CLSTN2: variants seen among roughly 807,000 people sequenced by gnomAD.
The protein encoded by CLSTN2 is calsyntenin-2.
CLSTN2 carries 48 observed loss-of-function variants against 101.2 expected under a neutral mutation model. The observed-to-expected ratio is 0.47, with a 90% CI of 0.38 to 0.60. The LOEUF (loss-of-function observed/expected upper bound fraction) is 0.60. Among genes scored for constraint, CLSTN2 ranks in the 20% least tolerant of loss-of-function variants. The pLI is 0.00. For synonymous variants in CLSTN2, 481 were observed against 463.6 expected, an observed-to-expected ratio of 1.04 and a Z score of -0.48; for missense variants, 1,160 against 1,238.2, an observed-to-expected ratio of 0.94 and a Z score of 0.95.
At chr3:140,529,588 G>C (rs1381126680) in intron 8 of CLSTN2, among the ~76,000 whole-genome samples, 1 of 152,208 alleles carries the variant, frequency 6.6e-6, no homozygotes, top group African/African-American at 2.4e-5. Flanking sequence ...TTCTAGCAGA[G>C]GGTCAATGTA....
chr3:140,308,410 A>G (rs907753495), intron 2 of CLSTN2, among the ~76,000 whole-genome samples: 5 of 152,258 alleles, frequency 3.3e-5, no homozygotes, highest in Non-Finnish European at 7.3e-5. Context: ...TAGGCTCTCA[A>G]TAAATGACTT....
intron 2 of CLSTN2, among the ~76,000 whole-genome samples, chr3:140,285,766 C>A (rs1227784359): frequency 6.6e-6 from 1 of 152,016 alleles, no homozygotes; most frequent in Non-Finnish European, 1.5e-5. Context: ...AAAGGGTGGG[C>A]CAGAGGATAT....
intron 2 of CLSTN2, among the ~76,000 whole-genome samples, chr3:140,390,379 C>A (rs75965835): frequency 6.6e-6 from 1 of 152,046 alleles, no homozygotes; most frequent in Non-Finnish European, 1.5e-5. Context: ...TTCTTTTAAA[C>A]GTGTACTGTT....
intron 1 of CLSTN2, among the ~76,000 whole-genome samples, chr3:140,092,462 G>A (rs1417516103): frequency 6.6e-6 from 1 of 152,150 alleles, no homozygotes; most frequent in Admixed American, 6.5e-5. Flanking sequence ...CTTAGAGTGG[G>A]GTGTGTTTAT....
At chr3:140,412,983 A>G (rs1283989833) in intron 4 of CLSTN2, among the ~76,000 whole-genome samples, 1 of 152,216 alleles carries the variant, frequency 6.6e-6, no homozygotes, top group Non-Finnish European at 1.5e-5. Flanking sequence ...GTTATACGTC[A>G]AGGAACTAGA....
Position 140,318,880 on chromosome 3 carries a change from C to T in CLSTN2, c.233-84749C>T, listed in dbSNP as rs551523930. On this transcript the variant is annotated intron_variant, in intron 2 of 16. Coordinates refer to ENST00000458420, the MANE Select transcript of CLSTN2 (RefSeq NM_022131.3). ...AAATAATTATTATAAGTAATCCATCCTGCAAAACAATCTGTCCTCTGAGTT... is the reference window on the plus strand; with the variant it reads ...AAATAATTATTATAAGTAATCCATCTTGCAAAACAATCTGTCCTCTGAGTT... 5.4e-4 allele frequency among the ~76,000 whole-genome samples: 82 copies of T among 152,164 alleles called. 1 individual carries two copies. The highest frequency in any genetic ancestry group is 1.0e-3 in the South Asian group (5 of 4,822).
chr3:140,357,180 G>A (rs1045365046), intron 2 of CLSTN2, among the ~76,000 whole-genome samples: 8 of 152,102 alleles, frequency 5.3e-5, no homozygotes, highest in Admixed American at 1.3e-4. Flanking sequence ...GTGAAGGGTC[G>A]GGAATATAGT....
chr3:140,133,840 C>T (rs969410115), intron 1 of CLSTN2, among the ~76,000 whole-genome samples: 3 of 152,136 alleles, frequency 2.0e-5, no homozygotes, highest in Admixed American at 1.3e-4. Context: ...GTTCTCCTGC[C>T]CTGAGCAGTA....
At chr3:139,970,762 AG>A (rs1431860021) in intron 1 of CLSTN2, among the ~76,000 whole-genome samples, 2 of 152,170 alleles carry the variant, frequency 1.3e-5, no homozygotes, top group African/African-American at 4.8e-5. Context: ...GTTGTTTCCA[AG>A]GGTAACTGTA....
At chr3:140,381,744 C>T (rs771077070) in intron 2 of CLSTN2, among the ~76,000 whole-genome samples, 1 of 152,190 alleles carries the variant, frequency 6.6e-6, no homozygotes, top group Non-Finnish European at 1.5e-5. Flanking sequence ...CAGATGTTTC[C>T]AGCAAAAGCA....
At chr3:140,263,586 A>G (rs1473716740) in intron 2 of CLSTN2, among the ~76,000 whole-genome samples, 1 of 152,206 alleles carries the variant, frequency 6.6e-6, no homozygotes, top group Non-Finnish European at 1.5e-5. Context: ...AATGAAACAT[A>G]TGCATAGTAC....
chr3:140,053,869 T>C (rs1416637258), intron 1 of CLSTN2, among the ~76,000 whole-genome samples: 6 of 152,306 alleles, frequency 3.9e-5, no homozygotes, highest in Admixed American at 2.6e-4. Context: ...CATAGTCAGG[T>C]ATCAACACAT....
chr3:140,172,758 G>C (rs1161386401), intron 1 of CLSTN2, among the ~76,000 whole-genome samples: 1 of 152,168 alleles, frequency 6.6e-6, no homozygotes, highest in Admixed American at 6.5e-5. Context: ...AACAGGCAAA[G>C]AGAATGAGGA....
chr3:140,177,504 T>C (rs1008434340), intron 2 of CLSTN2, among the ~76,000 whole-genome samples: 1 of 152,114 alleles, frequency 6.6e-6, no homozygotes, highest in African/African-American at 2.4e-5. Context: ...CTTAAAAAAA[T>C]AGATGCCAGA....
intron 1 of CLSTN2, among the ~76,000 whole-genome samples, chr3:140,125,536 G>A (rs1289058428): frequency 1.3e-5 from 2 of 152,126 alleles, no homozygotes; most frequent in African/African-American, 4.8e-5. Context: ...TTAAAAGGAA[G>A]GATGAGGTGA....
intron 8 of CLSTN2, among the ~76,000 whole-genome samples, chr3:140,490,102 A>G (rs1576595617): frequency 1.2e-4 from 1 of 8,508 alleles, no homozygotes; most frequent in Non-Finnish European, 1.9e-4. Flanking sequence ...ATATATATAT[A>G]TATATATATA....
At chr3:140,327,922 CA>C (rs1326044318) in intron 2 of CLSTN2, among the ~76,000 whole-genome samples, 1 of 152,144 alleles carries the variant, frequency 6.6e-6, no homozygotes, top group Non-Finnish European at 1.5e-5. Context: ...TTAAATTAGC[CA>C]AAAGCTGAGC....
chr3:140,433,076 T>C (rs1376564472), intron 5 of CLSTN2, among the ~76,000 whole-genome samples: 3 of 152,310 alleles, frequency 2.0e-5, no homozygotes, highest in Middle Eastern at 3.4e-3. Context: ...TTTCCTACAA[T>C]GCATCTCAAA....
At chr3:140,544,709 G>A (rs1262201514) in intron 9 of CLSTN2, among the ~76,000 whole-genome samples, 1 of 152,070 alleles carries the variant, frequency 6.6e-6, no homozygotes, top group African/African-American at 2.4e-5. Flanking sequence ...GGCTCAGGGT[G>A]GGGAGGGGGC....
Sources: gnomAD v4.1 joint callset for allele counts (sites outside exome capture counted in the v4.1 genomes callset) on GRCh38, gnomAD v4.1.1 for gene constraint, MANE v1.5 for transcripts, NCBI Gene and HGNC (gene_info 2026-07-23, HGNC 2026-07-21) for gene names.